The following VPS13D variants were observed in gnomAD, a reference collection of about 807,000 sequenced individuals.
VPS13D encodes intermembrane lipid transfer protein VPS13D.
A neutral mutation model predicts 461.9 loss-of-function variants in VPS13D; 187 were observed. The observed-to-expected ratio is 0.40, with a 90% CI of 0.36 to 0.46. VPS13D has a LOEUF of 0.46. Ranked by LOEUF, VPS13D falls within the 20% of genes least tolerant of loss-of-function variation. The pLI is 0.60. For missense variants in VPS13D, 4,711 were observed against 5,364.9 expected (o/e 0.88, Z 3.81); for synonymous variants, 1,951 against 1,986.3 (o/e 0.98, Z 0.47).
At chr1:12,337,641 A>G (rs1643480428) in intron 39 of VPS13D, 1 of 152,276 alleles carries the variant, frequency 6.6e-6, no homozygotes, top group Admixed American at 6.5e-5. Flanking sequence ...CATTGAATTT[A>G]TTAGTTTTGT....
At chr1:12,416,044 G>A (rs1351083089) in intron 64 of VPS13D, among the ~76,000 whole-genome samples, 1 of 152,206 alleles carries the variant, frequency 6.6e-6, no homozygotes, top group Non-Finnish European at 1.5e-5. Flanking sequence ...AGATTAGCTG[G>A]TTGTAGAGGT....
chr1:12,444,863 G>A (rs1331420651), intron 65 of VPS13D, among the ~76,000 whole-genome samples: 1 of 152,174 alleles, frequency 6.6e-6, no homozygotes, highest in Non-Finnish European at 1.5e-5. Context: ...TCTGGCCAAT[G>A]TTATTTTTCT....
At chr1:12,258,231 A>G (rs1190388789) in intron 10 of VPS13D, 128 bp downstream of exon 10, 1 of 1,198,424 alleles carries the variant, frequency 8.3e-7, no homozygotes. Flanking sequence ...TTTATAGGAT[A>G]GAGTTGGTCT....
At chr1:12,231,266 A>G (rs1639965617) in intron 1 of VPS13D, among the ~76,000 whole-genome samples, 1 of 152,118 alleles carries the variant, frequency 6.6e-6, no homozygotes, top group Admixed American at 6.5e-5. Context: ...ACACTTTGGG[A>G]CTCTGGCCAG....
intron 18 of VPS13D, among the ~76,000 whole-genome samples, 196 bp from the exon 19 acceptor site, chr1:12,275,629 G>A (rs1329924186): frequency 3.3e-5 from 5 of 152,176 alleles, no homozygotes; most frequent in East Asian, 3.9e-4. Flanking sequence ...TTTTATATTT[G>A]TGTTTTGATT....
chr1:12,369,626 A>T lies in VPS13D; in HGVS notation c.10732A>T (p.Met3578Leu). The change falls in exon 54 of 70, where the codon ATG becomes TTG. Residue 3578 changes from methionine (M) to leucine (L), a missense_variant. Coordinates refer to ENST00000620676, the MANE Select transcript of VPS13D (RefSeq NM_015378.4). The part of the protein sequence containing the change: ...GAGSSEINCN[M>L]NDFQDNRQLY... ...AGGGTCCTCTGAGATCAACTGCAACATGAATGATTTCCAGGATAATCGGCA... is the reference window on the plus strand; with the variant it reads ...AGGGTCCTCTGAGATCAACTGCAACTTGAATGATTTCCAGGATAATCGGCA... 6.2e-7 allele frequency: 1 copy of T among 1,614,216 alleles called. No homozygotes were observed. The highest frequency in any genetic ancestry group is 8.5e-7 in the Non-Finnish European group (1 of 1,180,034).
rs773845639 is a variant in VPS13D, at chr1:12,385,323, G to A, written c.11434G>A (p.Glu3812Lys). ...TGAAGTGGATGAACTTCCTGTCACC[G>A]AACAAGAGCTGCAGAAATTAAAGAA... Reference protein sequence around the residue: ...SYEVDELPVTEQELQKLKNPD... With the variant: ...SYEVDELPVTKQELQKLKNPD... Residue 3812 changes from glutamate to lysine, a missense_variant, in exon 59 of 70, where the codon GAA becomes AAA. Physicochemically the swap from Glu to Lys is moderately conservative, Grantham distance 56. Transcript: ENST00000620676. 7.4e-6 allele frequency: 12 copies of A among 1,613,898 alleles called. No homozygotes were observed. In the Middle Eastern group the frequency reaches 4.9e-4, roughly 67 times the overall value.
intron 65 of VPS13D, among the ~76,000 whole-genome samples, chr1:12,429,044 G>A (rs1045706881): frequency 6.6e-6 from 1 of 152,090 alleles, no homozygotes; most frequent in African/African-American, 2.4e-5. Flanking sequence ...GAATGCAACG[G>A]TCTGTATTTA....
intron 2 of VPS13D, among the ~76,000 whole-genome samples, chr1:12,241,608 G>A (rs1441479737): frequency 6.6e-6 from 1 of 152,176 alleles, no homozygotes; most frequent in Non-Finnish European, 1.5e-5. Flanking sequence ...GGATCTAGCT[G>A]CCCTCTTGTC....
At chr1:12,508,183 A>G (rs1446174440) in intron 69 of VPS13D, among the ~76,000 whole-genome samples, 1 of 152,150 alleles carries the variant, frequency 6.6e-6, no homozygotes, top group Non-Finnish European at 1.5e-5. Context: ...AGCCTCGCCC[A>G]CTATACTTCT....
chr1:12,284,586 G>A (rs1569802066), intron 21 of VPS13D, among the ~76,000 whole-genome samples: 1 of 152,212 alleles, frequency 6.6e-6, no homozygotes, highest in East Asian at 1.9e-4. Context: ...ACATAGGCCT[G>A]CTGTCACTAG....
Position 12,415,077 on chromosome 1 carries a change from C to T in VPS13D, c.12031-10C>T. 1 of 1,613,620 alleles carries T rather than the reference C, an allele frequency of 6.2e-7. No homozygotes were observed. Among genetic ancestry groups the T allele is most frequent in the Non-Finnish European group, 8.5e-7 (1 of 1,179,754 alleles). ...ACTTAAGTATGTCATTTCCTTTCTT[C>T]CCTAATTAGGCCCTAAAAAGCACCT... is the stretch of plus-strand genomic sequence containing the variant. On this transcript the variant is annotated splice_polypyrimidine_tract_variant and intron_variant, in intron 63 of 69. Transcript: ENST00000620676.
intron 65 of VPS13D, among the ~76,000 whole-genome samples, chr1:12,438,135 G>A (rs534267150): frequency 6.6e-6 from 1 of 152,268 alleles, no homozygotes; most frequent in South Asian, 2.1e-4. Context: ...CTGAGTCTCT[G>A]TTATAGGACT....
At chr1:12,246,484 A>G (rs770141139) in intron 5 of VPS13D, among the ~76,000 whole-genome samples, 18 of 152,254 alleles carry the variant, frequency 1.2e-4, no homozygotes, top group Non-Finnish European at 2.5e-4. Flanking sequence ...GTATAATGCA[A>G]ATATTTCAAA....
In VPS13D at chr1:12,283,232, C is replaced by T. The variant is rs1308508916; in HGVS notation, c.5130C>T (p.Cys1710=). The T allele has an allele frequency of 1.9e-6, 3 of 1,614,142 alleles. No individual in the cohort carries two copies. The highest frequency in any genetic ancestry group is 1.3e-5 in the African/African-American group (1 of 75,036). The part of the protein sequence containing the change: ...LAQKEYLSQS[C]PSVSNVEYPD... ...AAAAAGAATACCTTTCTCAGTCTTG[C>T]CCCTCAGTGTCCAATGTGGAATATC... The change falls in exon 21 of 70, where the codon TGC becomes TGT. Residue 1710 remains cysteine (C), a synonymous_variant. Transcript: ENST00000620676.
intron 67 of VPS13D, among the ~76,000 whole-genome samples, chr1:12,462,202 G>A (rs1020543871): frequency 1.3e-5 from 2 of 152,144 alleles, no homozygotes; most frequent in Non-Finnish European, 1.5e-5. Context: ...AAATGACATC[G>A]AGGACACTTA....
At chr1:12,247,276 G>A (rs1640580715) in intron 5 of VPS13D, among the ~76,000 whole-genome samples, 1 of 152,048 alleles carries the variant, frequency 6.6e-6, no homozygotes, top group Admixed American at 6.6e-5. Context: ...AGCTAGACAT[G>A]GTGGCATGTG....
intron 24 of VPS13D, among the ~76,000 whole-genome samples, chr1:12,294,296 T>C (rs1050220069): frequency 7.2e-5 from 11 of 152,212 alleles, no homozygotes; most frequent in Non-Finnish European, 1.3e-4. Context: ...ATTGCATAAC[T>C]TCTCAAACTT....
At chr1:12,464,017 C>T (rs1002357543) in intron 67 of VPS13D, among the ~76,000 whole-genome samples, 7 of 152,136 alleles carry the variant, frequency 4.6e-5, no homozygotes, top group East Asian at 1.9e-4. Flanking sequence ...ATTAAAGGAG[C>T]GCAGAGATCC....
Sources: allele counts gnomAD v4.1 joint callset (sites outside exome capture counted in the v4.1 genomes callset), GRCh38; gene constraint gnomAD v4.1.1; transcripts MANE v1.5; gene names NCBI Gene and HGNC (gene_info 2026-07-23, HGNC 2026-07-21).